Variants in PLEKHA1 observed in about 807,000 individuals in gnomAD.
PLEKHA1 encodes pleckstrin homology domain containing A1, also known as pleckstrin homology domain-containing family A member 1.
Under a neutral mutation model 52.0 loss-of-function variants are expected in PLEKHA1, and 34 were observed. That is an observed-to-expected ratio of 0.65 (90% CI 0.50 to 0.87). The LOEUF (loss-of-function observed/expected upper bound fraction) is 0.87, where lower values mean the gene tolerates loss of function less well. PLEKHA1 is among the 40% of genes least tolerant of loss of function. PLEKHA1 has a pLI of 0.00. For synonymous variants in PLEKHA1, 163 were observed against 170.7 expected (o/e 0.95, Z 0.35); for missense variants, 497 against 504.2 (o/e 0.99, Z 0.14).
chr10:122,425,476 T>G (rs1384129754), intron 10 of PLEKHA1: 3 of 152,194 alleles, frequency 2.0e-5, no homozygotes, highest in Non-Finnish European at 4.4e-5. Flanking sequence ...CCCAGCACTT[T>G]GGGAGGCCAA....
At chr10:122,411,767 T>A (rs2097109744) in intron 5 of PLEKHA1, 1 of 152,102 alleles carries the variant, frequency 6.6e-6, no homozygotes, top group Non-Finnish European at 1.5e-5. Flanking sequence ...GAATACAATG[T>A]GAGTGGTGTC....
In PLEKHA1 at chr10:122,429,862, G is replaced by A. The variant is rs1185385091; in HGVS notation, c.1139G>A (p.Ser380Asn). ...VTEQALLRPQ[S>N]KNGPQEKDCD... is the part of the protein sequence containing the mutation. The stretch of plus-strand genomic sequence containing the variant: ...GAACAAGCTCTGTTAAGACCTCAAA[G>A]TAAAAATGGCCCTCAGGAAAAAGAT... Residue 380 changes from serine to asparagine, a missense_variant, in exon 12 of 12, where the codon AGT (serine) becomes AAT (asparagine). Ser to Asn is a conservative substitution (Grantham distance 46, BLOSUM62 1). Transcript: ENST00000368990. 6.2e-7 allele frequency: 1 copy of A among 1,614,136 alleles called. No individual in the cohort carries two copies. The highest frequency in any genetic ancestry group is 1.7e-5 in the Admixed American group (1 of 60,024).
chr10:122,404,769 T>C (rs998011463), intron 4 of PLEKHA1, among the ~76,000 whole-genome samples: 46 of 152,372 alleles, frequency 3.0e-4, no homozygotes, highest in Admixed American at 2.7e-3. Context: ...TGTAGCACTT[T>C]ACAAGATAGG....
intron 4 of PLEKHA1, among the ~76,000 whole-genome samples, chr10:122,405,007 C>T (rs2096987388): frequency 6.6e-6 from 1 of 152,138 alleles, no homozygotes; most frequent in Non-Finnish European, 1.5e-5. Flanking sequence ...TATTCAGATA[C>T]TTAGCTCCTA....
At chr10:122,385,295 A>G (rs1467197612) in intron 1 of PLEKHA1, among the ~76,000 whole-genome samples, 1 of 145,088 alleles carries the variant, frequency 6.9e-6, no homozygotes, top group African/African-American at 2.5e-5. Context: ...CAAAGGCTGT[A>G]TCCTTTTGTG....
intron 1 of PLEKHA1, among the ~76,000 whole-genome samples, chr10:122,388,880 C>T (rs111542149): frequency 6.6e-5 from 10 of 152,132 alleles, no homozygotes; most frequent in Non-Finnish European, 5.9e-5. Flanking sequence ...CTCATCTGTT[C>T]AAGTTTTAGC....
At chr10:122,390,866 T>G (rs916522910) in intron 1 of PLEKHA1, among the ~76,000 whole-genome samples, 1 of 152,186 alleles carries the variant, frequency 6.6e-6, no homozygotes, top group African/African-American at 2.4e-5. Flanking sequence ...CTTGAAGAGC[T>G]GCCAAATTGT....
At chr10:122,412,869 T>G (rs1395072923) in intron 5 of PLEKHA1, 51 bp from the exon 6 acceptor site, 2 of 1,592,316 alleles carry the variant, frequency 1.3e-6, no homozygotes, top group Admixed American at 3.4e-5. Flanking sequence ...GAAAACAGGT[T>G]CACATGTATA....
At chr10:122,413,066 TTG>T (rs960471144) in intron 6 of PLEKHA1, 21 bp downstream of exon 6, 1 of 1,603,332 alleles carries the variant, frequency 6.2e-7, no homozygotes, top group Non-Finnish European at 8.5e-7. Flanking sequence ...AACTCTTCTA[TTG>T]TGTGAGGGTC....
Position 122,397,291 on chromosome 10 carries a change from AT to A in PLEKHA1, c.142-626del, listed in dbSNP as rs1565184152. On this transcript the variant is annotated intron_variant, in intron 2 of 11. Transcript: ENST00000368990. Reference sequence around the variant, plus strand: ...TTCAACCAGAGATGATTCTCCCTCTATGTTTACCTTTAGCTCTTTTGATGCA... The same window carrying A: ...TTCAACCAGAGATGATTCTCCCTCTAGTTTACCTTTAGCTCTTTTGATGCA... Among the ~76,000 whole-genome samples, 7 of 152,220 alleles carry A rather than the reference AT, an allele frequency of 4.6e-5. No homozygotes were observed. The East Asian group carries it at 1.4e-3, about 29-fold the overall frequency.
chr10:122,428,555 A>G (rs1366646121), intron 11 of PLEKHA1: 1 of 794,992 alleles, frequency 1.3e-6, no homozygotes, highest in Non-Finnish European at 1.7e-6. Flanking sequence ...CTTTACTAAC[A>G]GAAAGAGACA....
chr10:122,415,932 A>C lies in PLEKHA1; in HGVS notation c.542A>C (p.Tyr181Ser). The C allele has an allele frequency of 5.0e-6, 8 of 1,613,612 alleles. No homozygotes were observed. Among genetic ancestry groups the C allele is most frequent in the South Asian group, 1.1e-5 (1 of 91,060 alleles). Residue 181 changes from tyrosine (Y) to serine (S), a missense_variant, in exon 7 of 12, where the codon TAC (tyrosine) becomes TCC (serine). Tyr to Ser is a moderately radical substitution (Grantham distance 144, BLOSUM62 -2). Transcript: ENST00000368990. Reference protein sequence around the residue: ...NLKRSQSHLPYFTPKPPQDSA... With the variant: ...NLKRSQSHLPSFTPKPPQDSA... ...AAACGGTCACAAAGCCATCTTCCTT[A>C]CTTTACTCCTAAACCACCTCAAGAT...
intron 3 of PLEKHA1, among the ~76,000 whole-genome samples, chr10:122,399,756 T>C (rs1374482376): frequency 6.6e-6 from 1 of 151,984 alleles, no homozygotes; most frequent in Non-Finnish European, 1.5e-5. Flanking sequence ...CTAATTTTTT[T>C]TTGTATTTTT....
At chr10:122,415,493 G>GT (rs1388754378) in intron 6 of PLEKHA1, among the ~76,000 whole-genome samples, 1 of 152,204 alleles carries the variant, frequency 6.6e-6, no homozygotes, top group Non-Finnish European at 1.5e-5. Context: ...TCCATTTCTT[G>GT]TTTTTTGATA....
chr10:122,417,283 A>G (rs574640011), intron 7 of PLEKHA1, among the ~76,000 whole-genome samples: 46 of 151,872 alleles, frequency 3.0e-4, no homozygotes, highest in African/African-American at 1.1e-3. Flanking sequence ...TGCTCTTTAC[A>G]TGGGGTTGGC....
the PLEKHA1 span, chr10:122,439,338 CTT>C: frequency 2.7e-5 from 4 of 146,612 alleles, no homozygotes; most frequent in Non-Finnish European, 4.5e-5. Context: ...TAGCTCTAGT[CTT>C]TGTAGGTTTT....
At position 122,406,682 on chromosome 10, in the gene PLEKHA1, A is replaced by G. The variant is rs780565198; in HGVS notation, c.342+9A>G. On this transcript the variant is annotated intron_variant, in intron 5 of 11. Transcript: ENST00000368990. ...AAGCTATAAAAATTACAGTAAGTAT[A>G]TGTATTTTTTTGAAAAACGTTCGAT... 3.8e-6 allele frequency: 6 copies of G among 1,577,490 alleles called. No individual in the cohort carries two copies. The African/African-American group carries it at 6.8e-5, about 18-fold the overall frequency.
intron 11 of PLEKHA1, among the ~76,000 whole-genome samples, chr10:122,428,018 T>C (rs1055066551): frequency 6.6e-6 from 1 of 152,226 alleles, no homozygotes; most frequent in African/African-American, 2.4e-5. Flanking sequence ...TTTTGAAATA[T>C]CTAAGAAGTC....
At chr10:122,400,062 G>A (rs2096906627) in intron 3 of PLEKHA1, among the ~76,000 whole-genome samples, 1 of 152,162 alleles carries the variant, frequency 6.6e-6, no homozygotes. Context: ...ATGACATAAA[G>A]CCTAATGGTT....
Sources: gnomAD v4.1 joint callset for allele counts (sites outside exome capture counted in the v4.1 genomes callset) on GRCh38, gnomAD v4.1.1 for gene constraint, MANE v1.5 for transcripts, NCBI Gene and HGNC (gene_info 2026-07-23, HGNC 2026-07-21) for gene names.